Variants in HACD1 observed in about 807,000 individuals in gnomAD.
HACD1 encodes very-long-chain (3R)-3-hydroxyacyl-CoA dehydratase 1.
A neutral mutation model predicts 32.0 loss-of-function variants in HACD1; 41 were observed. That is an observed-to-expected ratio of 1.28 (90% CI 1.00 to 1.66). The LOEUF (loss-of-function observed/expected upper bound fraction) is 1.66. Ranked by LOEUF, HACD1 falls within the 40% of genes most tolerant of loss-of-function variation. The pLI is 0.00. For missense variants in HACD1, 396 were observed against 380.1 expected (o/e 1.04, Z -0.35); for synonymous variants, 142 against 139.0 (o/e 1.02, Z -0.15).
intron 4 of HACD1, among the ~76,000 whole-genome samples, chr10:17,600,091 A>G (rs967350921): frequency 3.3e-5 from 5 of 151,952 alleles, no homozygotes; most frequent in Admixed American, 2.0e-4. Flanking sequence ...CAATTATTCA[A>G]CCCTTCTACC....
At chr10:17,594,475 C>A (rs1833969528) in intron 5 of HACD1, 92 bp from the exon 6 acceptor site, 4 of 981,978 alleles carry the variant, frequency 4.1e-6, no homozygotes, top group Non-Finnish European at 5.5e-6. Flanking sequence ...ATTTAAACTT[C>A]AAAATTCTCT....
intron 4 of HACD1, among the ~76,000 whole-genome samples, chr10:17,600,273 C>G (rs781976016): frequency 6.6e-6 from 1 of 152,202 alleles, no homozygotes; most frequent in Non-Finnish European, 1.5e-5. Flanking sequence ...AGAAAACTGA[C>G]TCCAACCCTC....
At position 17,590,122 on chromosome 10, in the gene HACD1, C is replaced by A. The variant is rs1833910037; in HGVS notation, c.*242G>T. On this transcript the variant is annotated 3_prime_UTR_variant, in exon 7 of 7. Transcript: ENST00000361271. ...GTTTTTTTTTCCCCCAGATAATACA[C>A]CTAATTATTTTCCTAATAATCAATA... The A allele has an allele frequency of 3.7e-6, 1 of 269,530 alleles. No individual in the cohort carries two copies. The highest frequency in any genetic ancestry group is 6.9e-6 in the Non-Finnish European group (1 of 144,516). 16.7% of individuals were successfully genotyped at this position (269,530 alleles called of 1,614,324 possible). A position where few individuals can be genotyped will look rare whatever the true frequency, so the allele number is the denominator to read the frequency against.
At chr10:17,612,838 C>T (rs960928413) in intron 1 of HACD1, among the ~76,000 whole-genome samples, 10 of 150,924 alleles carry the variant, frequency 6.6e-5, no homozygotes, top group Admixed American at 2.0e-4. Flanking sequence ...AGGAGAATGG[C>T]GAGAATCCGG....
At chr10:17,610,938 A>G (rs1351855121) in intron 1 of HACD1, among the ~76,000 whole-genome samples, 1 of 151,572 alleles carries the variant, frequency 6.6e-6, no homozygotes, top group Non-Finnish European at 1.5e-5. Flanking sequence ...TCTGAGGCCC[A>G]GTGCAATGCC....
intron 6 of HACD1, among the ~76,000 whole-genome samples, chr10:17,593,895 C>T (rs1554815774): frequency 6.6e-6 from 1 of 152,106 alleles, no homozygotes; most frequent in African/African-American, 2.4e-5. Context: ...AAAAAGTGCA[C>T]TAATGCTTTA....
chr10:17,590,270 T>G lies in HACD1; in HGVS notation c.*94A>C. 6.8e-6 allele frequency: 6 copies of G among 885,942 alleles called. No individual in the cohort carries two copies. The highest frequency in any genetic ancestry group is 1.1e-5 in the Non-Finnish European group (6 of 569,610). The allele number at this position is 885,942 out of a possible 1,614,324, so 54.9% of individuals were successfully genotyped here. On this transcript the variant is annotated 3_prime_UTR_variant, in exon 7 of 7. Transcript: ENST00000361271. ...ATATTTTAAGAAACCATACAATCCA[T>G]GATATTTCACAAAGTTGTTTATTCT...
At chr10:17,591,111 G>A (rs1289794732) in intron 6 of HACD1, among the ~76,000 whole-genome samples, 3 of 152,078 alleles carry the variant, frequency 2.0e-5, no homozygotes, top group Admixed American at 6.6e-5. Context: ...GGGAAAACTG[G>A]CCCCACCCAG....
intron 1 of HACD1, among the ~76,000 whole-genome samples, chr10:17,614,740 G>GTTTAT (rs71393025): frequency 3.3e-4 from 50 of 151,384 alleles, no homozygotes; most frequent in South Asian, 8.3e-4. Flanking sequence ...ACAAGGAAAC[G>GTTTAT]TTTATTTTAT....
chr10:17,590,331 T>C lies in HACD1; in HGVS notation c.*33A>G, dbSNP rs1224726222. 2 of 1,459,126 alleles carry C rather than the reference T, an allele frequency of 1.4e-6. No individual in the cohort carries two copies. The highest frequency in any genetic ancestry group is 1.4e-5 in the African/African-American group (1 of 69,582). 90.4% of individuals were successfully genotyped at this position (1,459,126 alleles called of 1,614,324 possible). On this transcript the variant is annotated 3_prime_UTR_variant, in exon 7 of 7. Transcript: ENST00000361271. ...ACTTGGACTCAGGTAATCTTGGTTA[T>C]TCTGGAAAAAGCACCTTGTTTGCAG...
chr10:17,611,983 C>T (rs1832990050), intron 1 of HACD1, among the ~76,000 whole-genome samples: 1 of 150,960 alleles, frequency 6.6e-6, no homozygotes, highest in East Asian at 1.9e-4. Flanking sequence ...AAAAAAAATC[C>T]TTACATCTGC....
chr10:17,592,681 TCAGA>T (rs1554815673), intron 6 of HACD1, among the ~76,000 whole-genome samples: 2 of 152,120 alleles, frequency 1.3e-5, no homozygotes, highest in African/African-American at 2.4e-5. Flanking sequence ...CCTGTAACTG[TCAGA>T]CAGACACCGA....
chr10:17,602,599 T>C (rs1036175426), intron 4 of HACD1, among the ~76,000 whole-genome samples: 2 of 152,226 alleles, frequency 1.3e-5, no homozygotes, highest in Non-Finnish European at 2.9e-5. Flanking sequence ...TTCTGAAATA[T>C]GTACGCATTG....
intron 1 of HACD1, among the ~76,000 whole-genome samples, chr10:17,604,747 C>G (rs1554816914): frequency 1.3e-5 from 2 of 152,102 alleles, no homozygotes; most frequent in African/African-American, 4.8e-5. Flanking sequence ...GCTCTGTCAC[C>G]CTGGCTGAAG....
intron 1 of HACD1, among the ~76,000 whole-genome samples, chr10:17,605,649 A>T (rs77279315): frequency 1.4e-5 from 2 of 139,730 alleles, no homozygotes; most frequent in South Asian, 2.3e-4. Flanking sequence ...AAGGTTGTTT[A>T]AAAAAAAAAA....
At position 17,617,127 on chromosome 10, in the gene HACD1, C is replaced by A; in HGVS notation, c.213G>T (p.Leu71Phe). ...APGERRRLGV[L>F]ATAWLTFYDI... ...CGTAGAAGGTGAGCCAGGCGGTGGC[C>A]AAGACCCCCAGGCGCCTCCGCTCGC... is the stretch of plus-strand genomic sequence containing the variant. The change falls in exon 1 of 7, where the codon TTG (leucine) becomes TTT (phenylalanine). Residue 71 changes from leucine to phenylalanine, a missense_variant. By Grantham distance (22) the Leu-to-Phe change is conservative (BLOSUM62 0). Coordinates refer to ENST00000361271, the MANE Select transcript of HACD1 (RefSeq NM_014241.4). 1 of 1,505,708 alleles carries A rather than the reference C, an allele frequency of 6.6e-7. No homozygotes were observed. Among genetic ancestry groups the A allele is most frequent in the East Asian group, 2.8e-5 (1 of 35,494 alleles). 93.3% of individuals were successfully genotyped at this position (1,505,708 alleles called of 1,614,324 possible).
chr10:17,605,182 G>T (rs923541031), intron 1 of HACD1, among the ~76,000 whole-genome samples: 1 of 152,032 alleles, frequency 6.6e-6, no homozygotes, highest in African/African-American at 2.4e-5. Context: ...GGAAGTAATG[G>T]TTACACAAAA....
chr10:17,593,141 G>C (rs1160159427), intron 6 of HACD1, among the ~76,000 whole-genome samples: 1 of 152,054 alleles, frequency 6.6e-6, no homozygotes, highest in African/African-American at 2.4e-5. Flanking sequence ...CTGCACTCCA[G>C]CCTGGGCAAA....
intron 1 of HACD1, among the ~76,000 whole-genome samples, chr10:17,611,549 C>A (rs2131521548): frequency 6.6e-6 from 1 of 152,334 alleles, no homozygotes; most frequent in East Asian, 1.9e-4. Flanking sequence ...GCTTCAAGGA[C>A]AGGGCCTAAA....
Sources: gnomAD v4.1 joint callset for allele counts (sites outside exome capture counted in the v4.1 genomes callset) on GRCh38, gnomAD v4.1.1 for gene constraint, MANE v1.5 for transcripts, NCBI Gene and HGNC (gene_info 2026-07-23, HGNC 2026-07-21) for gene names.